ANKRD33B: variants seen among roughly 807,000 people sequenced by gnomAD.
ANKRD33B encodes ankyrin repeat domain-containing protein 33B.
In ANKRD33B, 6 loss-of-function variants were observed where a neutral mutation model predicts 21.5. The ratio of observed to expected loss-of-function variants is 0.28; its 90% CI spans 0.15 to 0.55. ANKRD33B has a LOEUF of 0.55. Among genes scored for constraint, ANKRD33B ranks in the 20% least tolerant of loss-of-function variants. The pLI is 0.94. For synonymous variants in ANKRD33B, 347 were observed against 342.4 expected (o/e 1.01, Z -0.15); for missense variants, 698 against 747.2 (o/e 0.93, Z 0.77).
chr5:10,640,458 A>G (rs1579755896), intron 3 of ANKRD33B, among the ~76,000 whole-genome samples: 1 of 152,330 alleles, frequency 6.6e-6, no homozygotes, highest in East Asian at 1.9e-4. Flanking sequence ...CCACACAACT[A>G]ATAGCTTTAA....
chr5:10,599,544 AT>A (rs553984055), intron 1 of ANKRD33B, among the ~76,000 whole-genome samples: 18 of 151,826 alleles, frequency 1.2e-4, no homozygotes, highest in Non-Finnish European at 2.4e-4. Flanking sequence ...GCCTTTATGA[AT>A]TTGCCTATCC....
At chr5:10,642,482 C>A (rs1314998358) in intron 3 of ANKRD33B, among the ~76,000 whole-genome samples, 5 of 152,176 alleles carry the variant, frequency 3.3e-5, no homozygotes, top group African/African-American at 1.2e-4. Context: ...CAGAAACAGT[C>A]CAGGAACCAG....
chr5:10,604,656 T>A (rs1435798319), intron 1 of ANKRD33B, among the ~76,000 whole-genome samples: 1 of 152,060 alleles, frequency 6.6e-6, no homozygotes, highest in African/African-American at 2.4e-5. Flanking sequence ...ATCTAGTAGA[T>A]CTCAATGGCT....
chr5:10,587,532 T>C (rs1735592093), intron 1 of ANKRD33B, among the ~76,000 whole-genome samples: 1 of 151,804 alleles, frequency 6.6e-6, no homozygotes, highest in Admixed American at 6.6e-5. Context: ...AGGTATTTTA[T>C]TATTCTTCTG....
intron 3 of ANKRD33B, among the ~76,000 whole-genome samples, chr5:10,646,646 A>G (rs1737194646): frequency 6.6e-6 from 1 of 152,240 alleles, no homozygotes; most frequent in Admixed American, 6.5e-5. Context: ...TCCTTTTTTA[A>G]GTGACATGCA....
At chr5:10,593,787 C>T (rs1735749794) in intron 1 of ANKRD33B, among the ~76,000 whole-genome samples, 1 of 152,194 alleles carries the variant, frequency 6.6e-6, no homozygotes, top group East Asian at 1.9e-4. Context: ...CATTCCAGCA[C>T]AACCCCCACC....
intron 1 of ANKRD33B, among the ~76,000 whole-genome samples, chr5:10,581,736 A>G (rs566674647): frequency 9.9e-5 from 15 of 152,274 alleles, no homozygotes; most frequent in African/African-American, 3.6e-4. Context: ...ATTTGGGTGG[A>G]CCTCATCCAA....
intron 2 of ANKRD33B, among the ~76,000 whole-genome samples, chr5:10,630,837 C>T (rs1736691998): frequency 6.7e-6 from 1 of 148,496 alleles, no homozygotes; most frequent in Non-Finnish European, 1.5e-5. Flanking sequence ...CGCGCCACTG[C>T]ACTCCAGCCT....
chr5:10,619,204 T>G lies in ANKRD33B; in HGVS notation c.496+742T>G, dbSNP rs1162764950. 9.3e-6 allele frequency: 6 copies of G among 646,074 alleles called. No homozygotes were observed. Among genetic ancestry groups the G allele is most frequent in the African/African-American group, 7.9e-5 (4 of 50,448 alleles). 40.0% of individuals were successfully genotyped at this position (646,074 alleles called of 1,614,324 possible). ...TTCACATTTCTTTGCCTCCAAAGAT[T>G]CTGTCTGTTTCATCGGTCAAGTTCT... On this transcript the variant is annotated intron_variant, in intron 2 of 3. Coordinates refer to ENST00000296657, the MANE Select transcript of ANKRD33B (RefSeq NM_001164440.2). The surrounding 1 kb of genome is among the most constrained non-coding windows in gnomAD (Gnocchi z 4.5).
At chr5:10,642,827 C>T (rs114145428) in intron 3 of ANKRD33B, among the ~76,000 whole-genome samples, 277 of 152,294 alleles carry the variant, frequency 1.8e-3, no homozygotes, top group African/African-American at 6.4e-3. Flanking sequence ...CTTAAACTTT[C>T]TTAATGAGGG....
chr5:10,617,406 AG>A (rs766678254), intron 1 of ANKRD33B, among the ~76,000 whole-genome samples: 1 of 152,170 alleles, frequency 6.6e-6, no homozygotes, highest in Non-Finnish European at 1.5e-5. Context: ...CTCAGCTGCT[AG>A]GGCCGAAACT....
At chr5:10,579,164 CA>C (rs10717188) in intron 1 of ANKRD33B, among the ~76,000 whole-genome samples, 63,897 of 115,332 alleles carry the variant, frequency 0.55, 16,861 homozygotes, top group African/African-American at 0.73. Flanking sequence ...TACTGTGTCT[CA>C]AAAAAAAAAA....
rs535714758 is a variant in ANKRD33B, at chr5:10,652,354, C to G, written c.*2241C>G. The G allele has an allele frequency of 1.3e-5, 2 of 152,600 alleles. No individual in the cohort carries two copies. Among genetic ancestry groups the G allele is most frequent in the Admixed American group, 1.3e-4 (2 of 15,306 alleles). 9.5% of individuals were successfully genotyped at this position (152,600 alleles called of 1,614,324 possible). A position where few individuals can be genotyped will look rare whatever the true frequency, so the allele number is the denominator to read the frequency against. ...CCCGCATTGAGAACCGCAGCTCTAA[C>G]ACAGTGATTGCGAGAGGACACCCAT... On this transcript the variant is annotated 3_prime_UTR_variant, in exon 4 of 4. Transcript: ENST00000296657. This position sits in a 1 kb window ranked among gnomAD's most constrained non-coding sequence, Gnocchi z 4.1.
chr5:10,594,396 T>C (rs1735775028), intron 1 of ANKRD33B, among the ~76,000 whole-genome samples: 1 of 152,096 alleles, frequency 6.6e-6, no homozygotes, highest in African/African-American at 2.4e-5. Context: ...TTTTGTATTT[T>C]TAGTAGAGAC....
rs1560976366 is a variant in ANKRD33B, at chr5:10,619,670, A to G, written c.496+1208A>G. Among the ~76,000 whole-genome samples the G allele has an allele frequency of 6.6e-6, 1 of 152,208 alleles. No homozygotes were observed. Among genetic ancestry groups the G allele is most frequent in the Non-Finnish European group, 1.5e-5 (1 of 68,034 alleles). ...CTCCTCAGGTTTCGAAGCGTGAGGC[A>G]TCACTTCCATGGAGGGTTCCAGGCT... On this transcript the variant is annotated intron_variant, in intron 2 of 3. Coordinates refer to ENST00000296657, the MANE Select transcript of ANKRD33B (RefSeq NM_001164440.2). The surrounding 1 kb of genome is among the most constrained non-coding windows in gnomAD (Gnocchi z 4.5).
intron 3 of ANKRD33B, among the ~76,000 whole-genome samples, chr5:10,646,943 G>A (rs56925300): frequency 0.32 from 49,182 of 152,086 alleles, 8,424 homozygotes; most frequent in South Asian, 0.46. Context: ...TTCAGCACAC[G>A]TTGATCAGCC....
chr5:10,578,760 G>A (rs1372440291), intron 1 of ANKRD33B, among the ~76,000 whole-genome samples: 1 of 152,146 alleles, frequency 6.6e-6, no homozygotes, highest in Non-Finnish European at 1.5e-5. Flanking sequence ...TTGTTTATGA[G>A]GCACAAGTAT....
At chr5:10,585,662 A>G (rs1314860019) in intron 1 of ANKRD33B, among the ~76,000 whole-genome samples, 1 of 152,134 alleles carries the variant, frequency 6.6e-6, no homozygotes, top group Non-Finnish European at 1.5e-5. Context: ...AGATGTCTGG[A>G]TTGTAGCCTT....
At chr5:10,600,988 A>G (rs764832939) in intron 1 of ANKRD33B, among the ~76,000 whole-genome samples, 1 of 152,152 alleles carries the variant, frequency 6.6e-6, no homozygotes, top group African/African-American at 2.4e-5. Flanking sequence ...GACATTAATG[A>G]ACACCTGCAG....
Sources: gnomAD v4.1 joint callset for allele counts (sites outside exome capture counted in the v4.1 genomes callset) on GRCh38, gnomAD v4.1.1 for gene constraint, Gnocchi (gnomAD v3.1) non-coding constraint, MANE v1.5 for transcripts, NCBI Gene and HGNC (gene_info 2026-07-23, HGNC 2026-07-21) for gene names.